EXT2: variants seen among roughly 807,000 people sequenced by gnomAD.
EXT2 encodes the protein exostosin glycosyltransferase 2.
A neutral mutation model predicts 81.6 loss-of-function variants in EXT2; 53 were observed. The ratio of observed to expected loss-of-function variants is 0.65; its 90% CI spans 0.52 to 0.82. EXT2 has a LOEUF of 0.82. Ranked by LOEUF, EXT2 falls within the 40% of genes least tolerant of loss-of-function variation. The pLI is 0.00. For synonymous variants in EXT2, 320 were observed against 340.0 expected (o/e 0.94, Z 0.65); for missense variants, 774 against 910.2 (o/e 0.85, Z 1.93).
At chr11:44,189,925 G>A (rs1955369052) in intron 8 of EXT2, among the ~76,000 whole-genome samples, 2 of 152,202 alleles carry the variant, frequency 1.3e-5, no homozygotes, top group Admixed American at 1.3e-4. Context: ...GTGCTGTGCT[G>A]TGGGTATTTG....
In EXT2 at chr11:44,193,062, G is replaced by A. The variant is rs191937455; in HGVS notation, c.1306-4767G>A. On this transcript the variant is annotated intron_variant, in intron 8 of 13. Transcript: ENST00000533608. ...AGTGGGTGTTCTGGCTCCTGCCTTC[G>A]TGGAGCTTTCAGGATAGCCAAAACA... Among the ~76,000 whole-genome samples, 30 of 152,240 alleles carry A rather than the reference G, an allele frequency of 2.0e-4. No homozygotes were observed. The East Asian group carries it at 4.2e-3, about 22-fold the overall frequency.
intron 13 of EXT2, among the ~76,000 whole-genome samples, chr11:44,241,323 A>T (rs961963478): frequency 6.6e-6 from 1 of 152,250 alleles, no homozygotes; most frequent in South Asian, 2.1e-4. Flanking sequence ...CTTTATTCAA[A>T]TGATGAGTTT....
At chr11:44,208,242 T>C (rs1955607036) in intron 10 of EXT2, among the ~76,000 whole-genome samples, 1 of 152,014 alleles carries the variant, frequency 6.6e-6, no homozygotes, top group Non-Finnish European at 1.5e-5. Context: ...TTGCATGTAA[T>C]GGCTTCAAAT....
At chr11:44,187,380 T>C (rs1955330621) in intron 8 of EXT2, among the ~76,000 whole-genome samples, 1 of 151,986 alleles carries the variant, frequency 6.6e-6, no homozygotes, top group African/African-American at 2.4e-5. Context: ...CTTACTATGT[T>C]TCCCAGGCTG....
intron 3 of EXT2, among the ~76,000 whole-genome samples, chr11:44,113,418 T>A (rs1455368117): frequency 6.6e-6 from 1 of 152,236 alleles, no homozygotes; most frequent in Non-Finnish European, 1.5e-5. Context: ...GATATACACC[T>A]GCTTCCTTTC....
chr11:44,096,064 C>G (rs1365986075), intron 1 of EXT2: 1 of 664,936 alleles, frequency 1.5e-6, no homozygotes, highest in African/African-American at 1.8e-5. Flanking sequence ...TCCACTCCTG[C>G]TTCTCCTTCT....
At chr11:44,193,193 A>T (rs1000507484) in intron 8 of EXT2, among the ~76,000 whole-genome samples, 23 of 152,340 alleles carry the variant, frequency 1.5e-4, no homozygotes, top group African/African-American at 4.8e-4. Flanking sequence ...TTGAAACATG[A>T]TAAGGTAAAG....
intron 5 of EXT2, among the ~76,000 whole-genome samples, chr11:44,126,533 G>C (rs1954407040): frequency 6.6e-6 from 1 of 152,198 alleles, no homozygotes; most frequent in Non-Finnish European, 1.5e-5. Flanking sequence ...GTTGTTAGCT[G>C]TCTAAGGGAA....
chr11:44,239,386 G>T (rs1435308164), intron 13 of EXT2, among the ~76,000 whole-genome samples: 3 of 131,022 alleles, frequency 2.3e-5, no homozygotes, highest in East Asian at 2.5e-4. Flanking sequence ...CTTTCCCTCT[G>T]TATATACTTT....
At chr11:44,209,854 C>T (rs1295739947) in intron 10 of EXT2, among the ~76,000 whole-genome samples, 1 of 152,042 alleles carries the variant, frequency 6.6e-6, no homozygotes, top group African/African-American at 2.4e-5. Context: ...TTTTTTCCTT[C>T]TAGAATGTAA....
At chr11:44,199,722 T>C (rs1955499910) in intron 9 of EXT2, among the ~76,000 whole-genome samples, 2 of 136,862 alleles carry the variant, frequency 1.5e-5, no homozygotes, top group Admixed American at 1.7e-4. Context: ...TGAGAAAGGA[T>C]ACATTTTTTT....
At chr11:44,157,579 G>A (rs547369270) in intron 7 of EXT2, among the ~76,000 whole-genome samples, 2 of 152,280 alleles carry the variant, frequency 1.3e-5, no homozygotes, top group South Asian at 2.1e-4. Context: ...CTCTTCAGTC[G>A]GCTTGTGGTG....
At chr11:44,235,630 C>T (rs1955954855) in intron 12 of EXT2, among the ~76,000 whole-genome samples, 1 of 152,202 alleles carries the variant, frequency 6.6e-6, no homozygotes, top group African/African-American at 2.4e-5. Context: ...CTCTATGCTT[C>T]TTAGCCTAGA....
At chr11:44,098,965 G>A (rs542875780) in intron 1 of EXT2, among the ~76,000 whole-genome samples, 3 of 152,204 alleles carry the variant, frequency 2.0e-5, no homozygotes, top group African/African-American at 4.8e-5. Flanking sequence ...ACATTTGTTC[G>A]TTCAACAAAT....
At chr11:44,119,124 T>TTATATATATATATA (rs200249806) in intron 4 of EXT2, among the ~76,000 whole-genome samples, 16 of 25,636 alleles carry the variant, frequency 6.2e-4, no homozygotes, top group Non-Finnish European at 1.4e-3. Flanking sequence ...ATTTGGCTAT[T>TTATATATATATATA]TATATATATA....
intron 7 of EXT2, among the ~76,000 whole-genome samples, chr11:44,158,866 G>A (rs1451319627): frequency 6.6e-6 from 1 of 151,832 alleles, no homozygotes; most frequent in Admixed American, 6.6e-5. Flanking sequence ...GAATTCTTAA[G>A]TGTGTGGTTT....
Position 44,115,816 on chromosome 11 carries a change from A to G in EXT2, c.743+1515A>G, listed in dbSNP as rs969894158. ...CCCGGGACCAAATTCTGAAACTTACATTAGCCATTCACTTAGCAAATTTTG... is the reference window on the plus strand; with the variant it reads ...CCCGGGACCAAATTCTGAAACTTACGTTAGCCATTCACTTAGCAAATTTTG... On this transcript the variant is annotated intron_variant, in intron 4 of 13. Coordinates refer to ENST00000533608, the MANE Select transcript of EXT2 (RefSeq NM_207122.2). The G allele has an allele frequency of 3.9e-5, 6 of 152,184 alleles. No individual in the cohort carries two copies. In the East Asian group the frequency reaches 1.2e-3, roughly 29 times the overall value. 9.4% of individuals were successfully genotyped at this position (152,184 alleles called of 1,614,324 possible). A position where few individuals can be genotyped will look rare whatever the true frequency, so the allele number is the denominator to read the frequency against.
intron 10 of EXT2, among the ~76,000 whole-genome samples, chr11:44,217,455 C>G (rs1955733167): frequency 6.6e-6 from 1 of 152,220 alleles, no homozygotes; most frequent in Admixed American, 6.5e-5. Flanking sequence ...CATTCTCTCT[C>G]CAGCCCTGAA....
In EXT2 at chr11:44,124,943, T is replaced by TGCCACAAGCACC. The variant is rs760147479; in HGVS notation, c.899_910dup (p.His303_Gln304insArgHisLysHis). On this transcript the variant is annotated inframe_insertion, in exon 5 of 14. Transcript: ENST00000533608. The stretch of plus-strand genomic sequence containing the variant: ...GGGTGTCCTTTCTGTCCGTAAGCGC[T>TGCCACAAGCACC]GCCACAAGCACCAGGTCTTCGATTA... 2 of 1,613,722 alleles carry TGCCACAAGCACC rather than the reference T, an allele frequency of 1.2e-6. No homozygotes were observed. The highest frequency in any genetic ancestry group is 1.7e-6 in the Non-Finnish European group (2 of 1,180,026).
Sources: allele counts gnomAD v4.1 joint callset (sites outside exome capture counted in the v4.1 genomes callset), GRCh38; gene constraint gnomAD v4.1.1; transcripts MANE v1.5; gene names NCBI Gene and HGNC (gene_info 2026-07-23, HGNC 2026-07-21).